TAFA2: variants seen among roughly 807,000 people sequenced by gnomAD.
The protein encoded by TAFA2 is chemokine-like protein TAFA-2.
In TAFA2, 7 loss-of-function variants were observed where a neutral mutation model predicts 18.8. The ratio of observed to expected loss-of-function variants is 0.37; its 90% CI spans 0.21 to 0.70. The LOEUF is 0.70. TAFA2 is among the 30% of genes least tolerant of loss of function. TAFA2 has a pLI of 0.53. For missense variants in TAFA2, 122 were observed against 158.1 expected, an observed-to-expected ratio of 0.77 and a Z score of 1.23; for synonymous variants, 60 against 54.2, an observed-to-expected ratio of 1.11 and a Z score of -0.47.
chr12:61,985,710 G>C (rs913373119), intron 1 of TAFA2, among the ~76,000 whole-genome samples: 12 of 152,110 alleles, frequency 7.9e-5, no homozygotes, highest in African/African-American at 2.9e-4. Context: ...TCTGTTTGTT[G>C]CTCCTGTTTT....
intron 1 of TAFA2, among the ~76,000 whole-genome samples, chr12:61,889,327 G>A (rs7963292): frequency 0.32 from 48,524 of 151,934 alleles, 7,944 homozygotes; most frequent in African/African-American, 0.38. Flanking sequence ...AGGGACAAAC[G>A]TGGGCAAATA....
At chr12:62,023,401 C>A (rs1881211139) in intron 1 of TAFA2, among the ~76,000 whole-genome samples, 1 of 151,838 alleles carries the variant, frequency 6.6e-6, no homozygotes, top group South Asian at 2.1e-4. Context: ...GAGTTCAGAT[C>A]TAAATTTAAT....
chr12:61,781,708 C>A (rs190042148), intron 2 of TAFA2, among the ~76,000 whole-genome samples: 40 of 151,650 alleles, frequency 2.6e-4, no homozygotes, highest in Admixed American at 1.4e-3. Context: ...AAAAATATGT[C>A]TTAAAGTTTT....
intron 1 of TAFA2, among the ~76,000 whole-genome samples, chr12:61,972,005 C>T (rs1164037924): frequency 1.3e-5 from 2 of 151,664 alleles, no homozygotes; most frequent in African/African-American, 4.8e-5. Context: ...ATGCCACGAC[C>T]ATTCAATGTG....
chr12:62,115,014 G>C (rs1869899808), intron 1 of TAFA2, among the ~76,000 whole-genome samples: 1 of 152,092 alleles, frequency 6.6e-6, no homozygotes, highest in Admixed American at 6.6e-5. Flanking sequence ...TGGTCATTTA[G>C]ACCAACATTA....
chr12:62,159,772 T>A (rs2062394084), intron 1 of TAFA2, among the ~76,000 whole-genome samples: 1 of 152,040 alleles, frequency 6.6e-6, no homozygotes, highest in Non-Finnish European at 1.5e-5. Flanking sequence ...ACTGCTCGGG[T>A]GATGGGTGCA....
intron 1 of TAFA2, among the ~76,000 whole-genome samples, chr12:62,089,290 G>T (rs1298798469): frequency 6.6e-6 from 1 of 152,042 alleles, no homozygotes; most frequent in Non-Finnish European, 1.5e-5. Context: ...TCTGGGTAAA[G>T]AAGAAAATAG....
intron 1 of TAFA2, among the ~76,000 whole-genome samples, chr12:62,157,185 A>G (rs1261183105): frequency 6.6e-6 from 1 of 152,196 alleles, no homozygotes; most frequent in African/African-American, 2.4e-5. Context: ...ATATCCAACA[A>G]CATATAATAG....
At chr12:62,023,793 G>A (rs750797274) in intron 1 of TAFA2, 1 of 151,888 alleles carries the variant, frequency 6.6e-6, no homozygotes, top group Non-Finnish European at 1.5e-5. Context: ...TCGAATGGAA[G>A]GAGAAAAATT....
chr12:61,916,141 A>G (rs1036207717), intron 1 of TAFA2, among the ~76,000 whole-genome samples: 7 of 152,210 alleles, frequency 4.6e-5, no homozygotes, highest in Non-Finnish European at 7.3e-5. Context: ...TTTCTTCAAT[A>G]GGTTCCAGTT....
intron 1 of TAFA2, among the ~76,000 whole-genome samples, chr12:61,998,799 G>C (rs1285219764): frequency 6.6e-6 from 1 of 152,170 alleles, no homozygotes. Context: ...AACAAGGGAG[G>C]GGCTGGGAAT....
chr12:61,816,497 C>T (rs902711648), intron 2 of TAFA2, among the ~76,000 whole-genome samples: 5 of 151,266 alleles, frequency 3.3e-5, no homozygotes, highest in Admixed American at 6.6e-5. Context: ...ATGCATGTGT[C>T]TTTATTGTAG....
At position 61,826,152 on chromosome 12, in the gene TAFA2, A is replaced by G. The variant is rs111993567; in HGVS notation, c.106+41168T>C. On this transcript the variant is annotated intron_variant, in intron 2 of 4. Transcript: ENST00000416284. ...ATGAGTGTGAGCTGCCAACAAGCACATAACACCATGCCCACTAGTCCTATA... is the reference window on the plus strand; with the variant it reads ...ATGAGTGTGAGCTGCCAACAAGCACGTAACACCATGCCCACTAGTCCTATA... Among the ~76,000 whole-genome samples, 648 of 152,200 alleles carry G rather than the reference A, an allele frequency of 4.3e-3. 7 individuals are homozygous for G. The highest frequency in any genetic ancestry group is 0.02 in the Middle Eastern group (6 of 294).
At chr12:61,951,576 C>G (rs1297735145) in intron 1 of TAFA2, among the ~76,000 whole-genome samples, 1 of 151,968 alleles carries the variant, frequency 6.6e-6, no homozygotes, top group Non-Finnish European at 1.5e-5. Flanking sequence ...ACAGGAAAGC[C>G]TTGGCAACTC....
chr12:61,812,963 T>C (rs1871935555), intron 2 of TAFA2, among the ~76,000 whole-genome samples: 1 of 151,494 alleles, frequency 6.6e-6, no homozygotes. Flanking sequence ...TATTATCTCC[T>C]TCCCTAATTT....
intron 1 of TAFA2, among the ~76,000 whole-genome samples, chr12:62,124,872 A>C (rs1870384004): frequency 6.6e-6 from 1 of 152,178 alleles, no homozygotes; most frequent in Non-Finnish European, 1.5e-5. Flanking sequence ...CTATTGTCAA[A>C]TAATGCACTG....
rs571605196 is a variant in TAFA2 at position 62,232,273 on chromosome 12, C to T, written c.-130+26490G>A. Among the ~76,000 whole-genome samples, 107 of 152,280 alleles carry T rather than the reference C, an allele frequency of 7.0e-4. 1 individual carries two copies. Among genetic ancestry groups the T allele is most frequent in the African/African-American group, 2.5e-3 (102 of 41,544 alleles). ...CTTACCTCCACTCTCACACCCTGGCCAAAGCCACCTTGACTCTCTCCTGAA... is the reference window on the plus strand; with the variant it reads ...CTTACCTCCACTCTCACACCCTGGCTAAAGCCACCTTGACTCTCTCCTGAA... On this transcript the variant is annotated intron_variant, in intron 1 of 5. Transcript: ENST00000551619.
intron 2 of TAFA2, among the ~76,000 whole-genome samples, chr12:61,777,680 G>C (rs565719348): frequency 1.3e-4 from 20 of 151,288 alleles, no homozygotes; most frequent in African/African-American, 4.4e-4. Context: ...CCTTTGCCAA[G>C]GTTACTTAAC....
At chr12:61,864,772 C>CAAAA (rs34286549) in intron 2 of TAFA2, among the ~76,000 whole-genome samples, 34 of 78,336 alleles carry the variant, frequency 4.3e-4, no homozygotes, top group African/African-American at 1.4e-3. Flanking sequence ...GACTCCGTCT[C>CAAAA]AAAAAAAAAA....
Sources: gnomAD v4.1 joint callset for allele counts (sites outside exome capture counted in the v4.1 genomes callset) on GRCh38, gnomAD v4.1.1 for gene constraint, MANE v1.5 for transcripts, NCBI Gene and HGNC (gene_info 2026-07-23, HGNC 2026-07-21) for gene names.